The following NELL1 variants were observed in gnomAD, a reference collection of about 807,000 sequenced individuals.
NELL1 encodes protein kinase C-binding protein NELL1.
In NELL1, 76 loss-of-function variants were observed where a neutral mutation model predicts 107.4. The observed-to-expected ratio is 0.71, with a 90% CI of 0.59 to 0.86. The LOEUF (loss-of-function observed/expected upper bound fraction) is 0.86, where lower values mean the gene tolerates loss of function less well. NELL1 is among the 40% of genes least tolerant of loss of function. The pLI is 0.00. For synonymous variants in NELL1, 353 were observed against 341.2 expected, an observed-to-expected ratio of 1.03 and a Z score of -0.38; for missense variants, 1,024 against 1,005.5, an observed-to-expected ratio of 1.02 and a Z score of -0.25.
At chr11:21,515,508 A>G (rs1167739527) in intron 15 of NELL1, among the ~76,000 whole-genome samples, 2 of 152,184 alleles carry the variant, frequency 1.3e-5, no homozygotes, top group Non-Finnish European at 2.9e-5. Flanking sequence ...TATAAAGAAC[A>G]TAGAGCTCAG....
At chr11:20,921,598 G>A (rs1350513642) in intron 7 of NELL1, among the ~76,000 whole-genome samples, 1 of 152,006 alleles carries the variant, frequency 6.6e-6, no homozygotes, top group Non-Finnish European at 1.5e-5. Context: ...CCATCCACTG[G>A]CAGGAGGATG....
At chr11:21,020,337 G>A (rs1852668294) in intron 12 of NELL1, among the ~76,000 whole-genome samples, 1 of 151,992 alleles carries the variant, frequency 6.6e-6, no homozygotes, top group African/African-American at 2.4e-5. Context: ...ACACAGCGTT[G>A]AGCAGTGGGA....
intron 3 of NELL1, among the ~76,000 whole-genome samples, chr11:20,821,491 G>A (rs1470221570): frequency 6.6e-6 from 1 of 152,166 alleles, no homozygotes; most frequent in East Asian, 1.9e-4. Context: ...GAAGTACACA[G>A]GGATTTCACA....
intron 15 of NELL1, among the ~76,000 whole-genome samples, chr11:21,403,878 C>T (rs1852158628): frequency 6.6e-6 from 1 of 151,754 alleles, no homozygotes; most frequent in Admixed American, 6.6e-5. Context: ...TAGCTATCTC[C>T]ATCAATTCCA....
At chr11:21,143,711 T>C (rs541212021) in intron 13 of NELL1, among the ~76,000 whole-genome samples, 1 of 152,312 alleles carries the variant, frequency 6.6e-6, no homozygotes, top group Admixed American at 6.5e-5. Context: ...TGGGTTTCTA[T>C]GGTTGTGCAG....
At chr11:20,930,108 T>C (rs1184541633) in intron 9 of NELL1, among the ~76,000 whole-genome samples, 1 of 152,178 alleles carries the variant, frequency 6.6e-6, no homozygotes, top group Non-Finnish European at 1.5e-5. Flanking sequence ...ATGGAAGTAA[T>C]GAGTCCTTCG....
chr11:21,536,494 T>C (rs1307918862), intron 16 of NELL1, among the ~76,000 whole-genome samples: 1 of 152,202 alleles, frequency 6.6e-6, no homozygotes, highest in Non-Finnish European at 1.5e-5. Flanking sequence ...TATTCTTTGA[T>C]GCCTTCCAAA....
At chr11:21,340,754 G>T (rs1850545629) in intron 14 of NELL1, among the ~76,000 whole-genome samples, 1 of 152,178 alleles carries the variant, frequency 6.6e-6, no homozygotes, top group Non-Finnish European at 1.5e-5. Context: ...GAATGCCAAA[G>T]ATTGTGAAGA....
intron 13 of NELL1, among the ~76,000 whole-genome samples, chr11:21,135,600 G>T (rs1855728049): frequency 6.6e-6 from 1 of 152,120 alleles, no homozygotes; most frequent in South Asian, 2.1e-4. Flanking sequence ...TGAAAAACAG[G>T]AATGATAACA....
chr11:21,317,639 A>AG (rs1849907350), intron 14 of NELL1, among the ~76,000 whole-genome samples: 1 of 152,000 alleles, frequency 6.6e-6, no homozygotes. Context: ...GTATGGACAT[A>AG]GAAAGTGAGT....
chr11:21,183,234 C>T (rs7126750), intron 13 of NELL1, among the ~76,000 whole-genome samples: 90,563 of 151,704 alleles, frequency 0.6, 28,987 homozygotes, highest in Non-Finnish European at 0.7. Context: ...TCTCTCCCAA[C>T]AAATTATGGA....
chr11:21,117,892 TC>T (rs1010043776), intron 13 of NELL1, among the ~76,000 whole-genome samples: 10 of 151,912 alleles, frequency 6.6e-5, no homozygotes, highest in Admixed American at 2.0e-4. Context: ...AATCACTAGT[TC>T]CATCCATCCA....
intron 12 of NELL1, among the ~76,000 whole-genome samples, chr11:21,061,757 T>C (rs1853747359): frequency 6.6e-6 from 1 of 152,180 alleles, no homozygotes; most frequent in Non-Finnish European, 1.5e-5. Flanking sequence ...TTTTTGCTTC[T>C]CCTCCAGAGA....
intron 3 of NELL1, among the ~76,000 whole-genome samples, chr11:20,795,870 C>G (rs1378640876): frequency 6.6e-6 from 1 of 152,074 alleles, no homozygotes; most frequent in African/African-American, 2.4e-5. Flanking sequence ...TACTGTGATG[C>G]CAAGTAGACT....
At chr11:21,121,901 C>T (rs1421825848) in intron 13 of NELL1, among the ~76,000 whole-genome samples, 2 of 152,076 alleles carry the variant, frequency 1.3e-5, no homozygotes, top group Non-Finnish European at 2.9e-5. Flanking sequence ...AAGCCAAAGA[C>T]CACATATTTA....
chr11:21,097,753 CAGAA>C (rs2133699118), intron 12 of NELL1, among the ~76,000 whole-genome samples: 1 of 152,214 alleles, frequency 6.6e-6, no homozygotes, highest in East Asian at 1.9e-4. Context: ...AAGAGAAACT[CAGAA>C]AGATTTATTT....
At chr11:21,478,753 C>G (rs908826887) in intron 15 of NELL1, among the ~76,000 whole-genome samples, 3 of 150,088 alleles carry the variant, frequency 2.0e-5, no homozygotes, top group African/African-American at 7.4e-5. Context: ...GAATAGGGAA[C>G]CCACAGAACT....
chr11:20,884,517 C>A (rs939679114), intron 4 of NELL1, among the ~76,000 whole-genome samples: 1 of 1,504 alleles, frequency 6.6e-4, no homozygotes, highest in Non-Finnish European at 4.5e-3. Flanking sequence ...GGTACTTGCC[C>A]GGGGTGAGGT....
At chr11:21,406,546 T>TTAAGA (rs1272039278) in intron 15 of NELL1, among the ~76,000 whole-genome samples, 1 of 151,990 alleles carries the variant, frequency 6.6e-6, no homozygotes, top group Non-Finnish European at 1.5e-5. Context: ...TATAATGCAG[T>TTAAGA]TAAGATAAAT....
Sources: allele counts gnomAD v4.1 joint callset (sites outside exome capture counted in the v4.1 genomes callset), GRCh38; gene constraint gnomAD v4.1.1; transcripts MANE v1.5; gene names NCBI Gene and HGNC (gene_info 2026-07-23, HGNC 2026-07-21).